GRIK4: variants seen among roughly 807,000 people sequenced by gnomAD.
The protein encoded by GRIK4 is glutamate ionotropic receptor kainate type subunit 4, also known as glutamate receptor ionotropic, kainate 4.
GRIK4 carries 40 observed loss-of-function variants against 104.9 expected under a neutral mutation model. That is an observed-to-expected ratio of 0.38 (90% CI 0.30 to 0.50). The LOEUF is 0.50. GRIK4 is among the 20% of genes least tolerant of loss of function. The pLI is 0.93. For missense variants in GRIK4, 1,047 were observed against 1,308.1 expected, an observed-to-expected ratio of 0.80 and a Z score of 3.08; for synonymous variants, 485 against 524.9, an observed-to-expected ratio of 0.92 and a Z score of 1.04.
At chr11:120,878,470 C>T (rs993725313) in intron 11 of GRIK4, among the ~76,000 whole-genome samples, 3 of 152,166 alleles carry the variant, frequency 2.0e-5, no homozygotes, top group Non-Finnish European at 4.4e-5. Flanking sequence ...CATCCTACCC[C>T]CATCTTTTTG....
chr11:120,640,765 G>A (rs992239005), intron 1 of GRIK4, among the ~76,000 whole-genome samples: 2 of 150,648 alleles, frequency 1.3e-5, no homozygotes. Flanking sequence ...CTGGAGTGCT[G>A]TGGCGCGATC....
intron 3 of GRIK4, among the ~76,000 whole-genome samples, chr11:120,776,193 A>G (rs769175748): frequency 2.6e-5 from 4 of 152,010 alleles, no homozygotes; most frequent in Non-Finnish European, 5.9e-5. Context: ...TGATTAGTTC[A>G]TGAATTAAGT....
At chr11:120,853,790 T>C (rs1430202339) in intron 8 of GRIK4, among the ~76,000 whole-genome samples, 2 of 152,234 alleles carry the variant, frequency 1.3e-5, no homozygotes, top group Non-Finnish European at 2.9e-5. Context: ...GTTTAGTGTT[T>C]CAGGACTCCT....
At chr11:120,824,218 C>T (rs1247188336) in intron 6 of GRIK4, among the ~76,000 whole-genome samples, 1 of 152,180 alleles carries the variant, frequency 6.6e-6, no homozygotes, top group Non-Finnish European at 1.5e-5. Flanking sequence ...TTGTATATTA[C>T]ATTATTTTTC....
chr11:120,957,301 T>C (rs1185191235), intron 16 of GRIK4, among the ~76,000 whole-genome samples: 1 of 152,242 alleles, frequency 6.6e-6, no homozygotes, highest in Non-Finnish European at 1.5e-5. Flanking sequence ...TGCAGATTTA[T>C]GCAAGTATAA....
intron 8 of GRIK4, among the ~76,000 whole-genome samples, chr11:120,853,241 A>G (rs1173438178): frequency 6.6e-6 from 1 of 152,216 alleles, no homozygotes; most frequent in Non-Finnish European, 1.5e-5. Flanking sequence ...GGCAGGAATC[A>G]TAGCATGAAA....
At chr11:120,699,878 A>G (rs12280296) in intron 3 of GRIK4, among the ~76,000 whole-genome samples, 18,017 of 152,194 alleles carry the variant, frequency 0.12, 1,162 homozygotes, top group South Asian at 0.2. Flanking sequence ...TTGTATCAGC[A>G]AGGGCCGCAG....
chr11:120,749,490 C>T (rs1951506828), intron 3 of GRIK4, among the ~76,000 whole-genome samples: 1 of 152,160 alleles, frequency 6.6e-6, no homozygotes, highest in Non-Finnish European at 1.5e-5. Context: ...TTTGTGGAAG[C>T]CATTGGGCTG....
intron 13 of GRIK4, among the ~76,000 whole-genome samples, chr11:120,937,946 CT>C (rs1464380509): frequency 6.6e-6 from 1 of 152,106 alleles, no homozygotes; most frequent in Non-Finnish European, 1.5e-5. Flanking sequence ...GAGTTGTTGA[CT>C]TTGGTTAATT....
intron 3 of GRIK4, among the ~76,000 whole-genome samples, chr11:120,698,937 C>A (rs1329270044): frequency 1.3e-5 from 2 of 152,214 alleles, no homozygotes; most frequent in Non-Finnish European, 2.9e-5. Context: ...TGAGGCCTAG[C>A]TCCAGGTAAG....
chr11:120,751,078 G>A (rs879444450), intron 3 of GRIK4, among the ~76,000 whole-genome samples: 6 of 152,168 alleles, frequency 3.9e-5, no homozygotes, highest in Admixed American at 3.3e-4. Context: ...AGGGTGGGAA[G>A]ACCCCAGTGT....
At chr11:120,529,860 T>G (rs189105443) in intron 1 of GRIK4, among the ~76,000 whole-genome samples, 5 of 152,374 alleles carry the variant, frequency 3.3e-5, no homozygotes, top group African/African-American at 4.8e-5. Context: ...GGGAGGCAGC[T>G]GCTGTTGACC....
chr11:120,642,913 C>G (rs900333580), intron 1 of GRIK4, among the ~76,000 whole-genome samples: 18 of 152,170 alleles, frequency 1.2e-4, no homozygotes, highest in African/African-American at 4.1e-4. Flanking sequence ...TGCACTTCCC[C>G]CAGTAGAAAC....
chr11:120,726,360 G>A (rs764541887), intron 3 of GRIK4, among the ~76,000 whole-genome samples: 10 of 152,344 alleles, frequency 6.6e-5, no homozygotes, highest in Admixed American at 3.3e-4. Context: ...GCCCTGCAGG[G>A]AGAATAGAGG....
intron 3 of GRIK4, among the ~76,000 whole-genome samples, chr11:120,702,807 C>T (rs928701435): frequency 6.6e-6 from 1 of 152,188 alleles, no homozygotes; most frequent in Admixed American, 6.5e-5. Context: ...TGGGTCATGG[C>T]CTGAGGACGT....
chr11:120,986,391 T>C lies in GRIK4; in HGVS notation c.*131T>C, dbSNP rs1334569363. 6 of 1,218,236 alleles carry C rather than the reference T, an allele frequency of 4.9e-6. No homozygotes were observed. In the African/African-American group the frequency reaches 8.0e-5, roughly 16 times the overall value. 75.5% of individuals were successfully genotyped at this position (1,218,236 alleles called of 1,614,324 possible). A position where few individuals can be genotyped will look rare whatever the true frequency, so the allele number is the denominator to read the frequency against. ...CTCCAGATTTCGGATCCAGTCACTT[T>C]TCAAAAAGATCAAGGAGCCTGACGC... On this transcript the variant is annotated 3_prime_UTR_variant, in exon 21 of 21. Coordinates refer to ENST00000527524, the MANE Select transcript of GRIK4 (RefSeq NM_014619.5).
At chr11:120,840,969 T>C (rs375067577) in intron 8 of GRIK4, among the ~76,000 whole-genome samples, 73 of 152,346 alleles carry the variant, frequency 4.8e-4, no homozygotes, top group African/African-American at 1.7e-3. Context: ...AGGTGCCTCA[T>C]AGAAGTGGAA....
At chr11:120,742,519 TA>T (rs1220397945) in intron 3 of GRIK4, among the ~76,000 whole-genome samples, 1 of 62,672 alleles carries the variant, frequency 1.6e-5, no homozygotes, top group African/African-American at 6.3e-5. Flanking sequence ...TTATTATTAT[TA>T]TTATTATTTT....
chr11:120,835,929 G>T (rs1953565468), intron 7 of GRIK4, among the ~76,000 whole-genome samples: 1 of 152,158 alleles, frequency 6.6e-6, no homozygotes, highest in Non-Finnish European at 1.5e-5. Flanking sequence ...ACACTGATGC[G>T]CTGTGATCAA....
Sources: gnomAD v4.1 joint callset for allele counts (sites outside exome capture counted in the v4.1 genomes callset) on GRCh38, gnomAD v4.1.1 for gene constraint, MANE v1.5 for transcripts, NCBI Gene and HGNC (gene_info 2026-07-23, HGNC 2026-07-21) for gene names.